Variants in TBC1D5 observed in about 807,000 individuals in gnomAD.
TBC1D5 encodes TBC1 domain family, member 5.
In TBC1D5, 75 loss-of-function variants were observed where a neutral mutation model predicts 100.3. The ratio of observed to expected loss-of-function variants is 0.75; its 90% CI spans 0.62 to 0.91. The LOEUF is 0.91. Ranked by LOEUF, TBC1D5 falls within the 40% of genes least tolerant of loss-of-function variation. TBC1D5 has a pLI of 0.00. For synonymous variants in TBC1D5, 323 were observed against 325.6 expected (o/e 0.99, Z 0.09); for missense variants, 910 against 942.4 (o/e 0.97, Z 0.45).
chr3:17,715,609 C>A (rs1198857358), intron 1 of TBC1D5, among the ~76,000 whole-genome samples: 1 of 152,098 alleles, frequency 6.6e-6, no homozygotes, highest in Non-Finnish European at 1.5e-5. Flanking sequence ...GAGTTCACAA[C>A]GAGCCTGGGC....
intron 1 of TBC1D5, among the ~76,000 whole-genome samples, chr3:17,633,411 G>A (rs899542529): frequency 3.9e-5 from 6 of 152,036 alleles, no homozygotes; most frequent in South Asian, 2.1e-4. Flanking sequence ...ACTACAGCCC[G>A]CTCCAACAAC....
chr3:17,565,466 T>C (rs2096587644), intron 2 of TBC1D5, among the ~76,000 whole-genome samples: 1 of 152,126 alleles, frequency 6.6e-6, no homozygotes, highest in African/African-American at 2.4e-5. Context: ...GGTAAATATA[T>C]ACATGGCTGG....
intron 13 of TBC1D5, among the ~76,000 whole-genome samples, chr3:17,352,683 C>CAAAAAAAAAAAAAAAAAAAAAAAAA (rs1363926293): frequency 9.5e-5 from 9 of 94,896 alleles, no homozygotes; most frequent in Non-Finnish European, 1.4e-4. Flanking sequence ...AAGCAAAAGG[C>CAAAAAAAAAAAAAAAAAAAAAAAAA]AAAAAAAAAA....
chr3:17,514,316 T>C (rs2095954224), intron 2 of TBC1D5, among the ~76,000 whole-genome samples: 1 of 152,208 alleles, frequency 6.6e-6, no homozygotes, highest in South Asian at 2.1e-4. Context: ...AAATAAATTA[T>C]ATATAAAAGC....
At chr3:17,401,262 ATATG>A (rs746408421) in intron 8 of TBC1D5, among the ~76,000 whole-genome samples, 20 of 148,988 alleles carry the variant, frequency 1.3e-4, no homozygotes, top group Non-Finnish European at 2.4e-4. Flanking sequence ...ATATACATAT[ATATG>A]TATGTGTATA....
At chr3:17,697,270 C>G (rs547285000) in intron 1 of TBC1D5, among the ~76,000 whole-genome samples, 1 of 152,096 alleles carries the variant, frequency 6.6e-6, no homozygotes. Context: ...TCAGGCAAGA[C>G]AAAGAAATAA....
intron 2 of TBC1D5, among the ~76,000 whole-genome samples, chr3:17,537,931 C>G (rs1576585156): frequency 6.6e-6 from 1 of 152,170 alleles, no homozygotes; most frequent in Non-Finnish European, 1.5e-5. Context: ...GTCCTGACGA[C>G]ATGTGTCCAA....
chr3:17,404,757 G>A, exon 7 of TBC1D5: 1 of 1,607,686 alleles, frequency 6.2e-7, no homozygotes, highest in South Asian at 1.1e-5. Flanking sequence ...CCTTCCTCGG[G>A]TTGGTAATAT....
intron 3 of TBC1D5, among the ~76,000 whole-genome samples, chr3:17,473,462 T>C (rs982863738): frequency 6.6e-5 from 10 of 152,224 alleles, no homozygotes; most frequent in South Asian, 4.1e-4. Context: ...TGTTGCAACA[T>C]TCATCCTTTA....
At chr3:17,526,945 T>C (rs1285797788) in intron 2 of TBC1D5, among the ~76,000 whole-genome samples, 1 of 152,136 alleles carries the variant, frequency 6.6e-6, no homozygotes, top group Non-Finnish European at 1.5e-5. Flanking sequence ...TAAGCAGAAA[T>C]TGAGGAAATC....
chr3:17,242,500 T>G (rs988854623), intron 16 of TBC1D5, among the ~76,000 whole-genome samples: 1 of 152,028 alleles, frequency 6.6e-6, no homozygotes, highest in Admixed American at 6.5e-5. Context: ...CTTTTCCTTG[T>G]GTTTTCCAAG....
chr3:17,474,539 A>C (rs7634642), intron 3 of TBC1D5, among the ~76,000 whole-genome samples: 9,230 of 152,190 alleles, frequency 0.061, 546 homozygotes, highest in African/African-American at 0.15. Context: ...CTGATATTCA[A>C]AAGTAAAAGA....
intron 1 of TBC1D5, among the ~76,000 whole-genome samples, chr3:17,654,768 T>C (rs2065899632): frequency 6.6e-6 from 1 of 151,944 alleles, no homozygotes; most frequent in Non-Finnish European, 1.5e-5. Flanking sequence ...TGGTAGAATT[T>C]GGCTGTGAAT....
intron 18 of TBC1D5, among the ~76,000 whole-genome samples, chr3:17,205,822 C>T (rs1042059189): frequency 2.0e-5 from 3 of 152,024 alleles, no homozygotes; most frequent in Non-Finnish European, 4.4e-5. Flanking sequence ...TGAGAGAACA[C>T]GATGAGAGCA....
chr3:17,565,620 G>T (rs1015038109), intron 2 of TBC1D5, among the ~76,000 whole-genome samples: 1 of 151,984 alleles, frequency 6.6e-6, no homozygotes, highest in Non-Finnish European at 1.5e-5. Flanking sequence ...TACTGCCTCA[G>T]ATACAACAGC....
intron 1 of TBC1D5, among the ~76,000 whole-genome samples, chr3:17,699,352 A>T (rs1292254478): frequency 1.2e-4 from 15 of 128,880 alleles, no homozygotes; most frequent in South Asian, 3.0e-4. Flanking sequence ...ATGAGAACAC[A>T]TGGACACAGG....
intron 2 of TBC1D5, among the ~76,000 whole-genome samples, chr3:17,588,665 T>A (rs2096747634): frequency 6.6e-6 from 1 of 152,142 alleles, no homozygotes; most frequent in South Asian, 2.1e-4. Context: ...TAGGGAGAAT[T>A]TAGGATAGAT....
intron 17 of TBC1D5, 39 bp downstream of exon 18, chr3:17,233,646 C>T (rs1227697838): frequency 8.0e-7 from 1 of 1,257,648 alleles, no homozygotes; most frequent in South Asian, 1.4e-5. Flanking sequence ...ATACTGTAGG[C>T]AAAGAAAAAG....
chr3:17,209,411 T>C (rs946554401), intron 18 of TBC1D5, among the ~76,000 whole-genome samples: 1 of 152,168 alleles, frequency 6.6e-6, no homozygotes, highest in Non-Finnish European at 1.5e-5. Context: ...TCAGCCTCCC[T>C]AAGTGTTGGG....
Sources: allele counts gnomAD v4.1 joint callset (sites outside exome capture counted in the v4.1 genomes callset), GRCh38; gene constraint gnomAD v4.1.1; transcripts MANE v1.5; gene names NCBI Gene and HGNC (gene_info 2026-07-23, HGNC 2026-07-21).